CNTNAP2: variants seen among roughly 807,000 people sequenced by gnomAD.
CNTNAP2 encodes the protein contactin associated protein 2, also known as contactin-associated protein-like 2.
In CNTNAP2, 98 loss-of-function variants were observed where a neutral mutation model predicts 155.2. That is an observed-to-expected ratio of 0.63 (90% CI 0.54 to 0.75). CNTNAP2 has a LOEUF of 0.75. Ranked by LOEUF, CNTNAP2 falls within the 30% of genes least tolerant of loss-of-function variation. CNTNAP2 has a pLI of 0.00. For missense variants in CNTNAP2, 1,727 were observed against 1,688.1 expected (o/e 1.02, Z -0.40); for synonymous variants, 651 against 631.2 (o/e 1.03, Z -0.47).
At chr7:146,774,638 A>G (rs1023272318) in intron 2 of CNTNAP2, among the ~76,000 whole-genome samples, 2 of 152,170 alleles carry the variant, frequency 1.3e-5, no homozygotes, top group East Asian at 3.9e-4. Context: ...CTGGGATAAT[A>G]AAGTCAAAAT....
intron 3 of CNTNAP2, among the ~76,000 whole-genome samples, chr7:146,939,402 C>G (rs1796998291): frequency 6.6e-6 from 1 of 152,184 alleles, no homozygotes; most frequent in African/African-American, 2.4e-5. Context: ...TGCCTCTCAT[C>G]CATTTGTGAG....
At chr7:146,461,425 T>C (rs926570465) in intron 1 of CNTNAP2, among the ~76,000 whole-genome samples, 1 of 150,662 alleles carries the variant, frequency 6.6e-6, no homozygotes, top group Non-Finnish European at 1.5e-5. Flanking sequence ...AATATAATAA[T>C]AATAATAATA....
intron 2 of CNTNAP2, among the ~76,000 whole-genome samples, chr7:146,839,492 G>A (rs185231640): frequency 4.6e-5 from 7 of 152,172 alleles, no homozygotes; most frequent in East Asian, 1.9e-4. Flanking sequence ...AGGAGAAAAT[G>A]AGCACATAAT....
intron 2 of CNTNAP2, among the ~76,000 whole-genome samples, chr7:146,832,222 C>T (rs1803526674): frequency 6.6e-6 from 1 of 152,110 alleles, no homozygotes; most frequent in African/African-American, 2.4e-5. Context: ...TTAGATAATT[C>T]TCCATTATAG....
intron 14 of CNTNAP2, among the ~76,000 whole-genome samples, chr7:147,931,988 C>T (rs761114225): frequency 3.2e-4 from 48 of 152,150 alleles, no homozygotes; most frequent in African/African-American, 8.4e-4. Context: ...CGTGCTCAGG[C>T]GATCCTCCTG....
intron 13 of CNTNAP2, among the ~76,000 whole-genome samples, chr7:147,782,702 T>C (rs949595783): frequency 1.3e-5 from 2 of 152,216 alleles, no homozygotes; most frequent in Non-Finnish European, 2.9e-5. Context: ...AATGTATAAA[T>C]TTTGAGGGGA....
intron 1 of CNTNAP2, among the ~76,000 whole-genome samples, chr7:146,550,039 A>G (rs550048818): frequency 1.3e-5 from 2 of 152,226 alleles, no homozygotes; most frequent in South Asian, 4.1e-4. Flanking sequence ...CGTGGAACCT[A>G]AAAAGCTCCA....
chr7:147,825,308 T>C (rs753657578), intron 13 of CNTNAP2, among the ~76,000 whole-genome samples: 6 of 152,200 alleles, frequency 3.9e-5, no homozygotes, highest in Non-Finnish European at 8.8e-5. Flanking sequence ...CCAGGTTGGT[T>C]GTTAATGGAG....
intron 13 of CNTNAP2, among the ~76,000 whole-genome samples, chr7:147,839,904 T>C (rs1488636573): frequency 6.6e-6 from 1 of 151,674 alleles, no homozygotes; most frequent in Non-Finnish European, 1.5e-5. Flanking sequence ...TGTGTATATA[T>C]ATGTGTGTGT....
chr7:147,597,693 T>C (rs1322629841), intron 12 of CNTNAP2, among the ~76,000 whole-genome samples: 5 of 152,298 alleles, frequency 3.3e-5, no homozygotes, highest in South Asian at 4.1e-4. Context: ...CTTTTTCACA[T>C]GTCTAAATCC....
chr7:146,870,291 AT>A (rs1018687785), intron 3 of CNTNAP2, among the ~76,000 whole-genome samples: 1 of 151,082 alleles, frequency 6.6e-6, no homozygotes, highest in African/African-American at 2.4e-5. Context: ...GGGAATCATT[AT>A]TCCTGGCTCA....
intron 13 of CNTNAP2, among the ~76,000 whole-genome samples, chr7:147,751,196 TC>T (rs1197175052): frequency 6.6e-6 from 1 of 151,738 alleles, no homozygotes; most frequent in African/African-American, 2.4e-5. Context: ...TCTTTTTATT[TC>T]CAATTATAAA....
intron 21 of CNTNAP2, among the ~76,000 whole-genome samples, chr7:148,291,768 A>T (rs986595823): frequency 3.9e-5 from 6 of 152,214 alleles, no homozygotes; most frequent in African/African-American, 1.4e-4. Flanking sequence ...AGGTATACAG[A>T]TTCCAAAACG....
In CNTNAP2 at chr7:147,198,702, T is replaced by C. The variant is rs1044936292; in HGVS notation, c.1348+66193T>C. Among the ~76,000 whole-genome samples the C allele has an allele frequency of 5.3e-5, 8 of 152,306 alleles. 1 individual carries two copies. The highest frequency in any genetic ancestry group is 1.0e-4 in the Non-Finnish European group (7 of 68,022). The stretch of plus-strand genomic sequence containing the variant: ...CTCCTAATCCTGTACATTTTATACA[T>C]TTATAGTAATTTTCAGTGATAGTTT... On this transcript the variant is annotated intron_variant, in intron 8 of 23. Transcript: ENST00000361727.
At chr7:147,559,848 C>G (rs1800024636) in intron 11 of CNTNAP2, among the ~76,000 whole-genome samples, 1 of 145,118 alleles carries the variant, frequency 6.9e-6, no homozygotes, top group Non-Finnish European at 1.5e-5. Context: ...CAGTTGGATT[C>G]TATGTCTTGC....
At chr7:146,638,695 C>T (rs1463537384) in intron 1 of CNTNAP2, among the ~76,000 whole-genome samples, 1 of 151,676 alleles carries the variant, frequency 6.6e-6, no homozygotes, top group Non-Finnish European at 1.5e-5. Context: ...CCGTGTTAGC[C>T]AGGATGGTCT....
intron 1 of CNTNAP2, among the ~76,000 whole-genome samples, chr7:146,279,101 T>G (rs1024366664): frequency 6.6e-6 from 1 of 152,136 alleles, no homozygotes; most frequent in Non-Finnish European, 1.5e-5. Flanking sequence ...TGAAACCTTC[T>G]CAAGAATATA....
intron 8 of CNTNAP2, among the ~76,000 whole-genome samples, chr7:147,184,811 A>C (rs1200314359): frequency 1.3e-5 from 2 of 152,224 alleles, no homozygotes; most frequent in Non-Finnish European, 2.9e-5. Context: ...AATGTTAAAG[A>C]AAGAACATGT....
intron 3 of CNTNAP2, among the ~76,000 whole-genome samples, chr7:146,978,063 A>C (rs1269254052): frequency 6.6e-6 from 1 of 152,196 alleles, no homozygotes; most frequent in African/African-American, 2.4e-5. Context: ...TTCCTGTAGA[A>C]TGATACCCTA....
Sources: gnomAD v4.1 joint callset for allele counts (sites outside exome capture counted in the v4.1 genomes callset) on GRCh38, gnomAD v4.1.1 for gene constraint, MANE v1.5 for transcripts, NCBI Gene and HGNC (gene_info 2026-07-23, HGNC 2026-07-21) for gene names.